Variants in DPF3 observed in about 807,000 individuals in gnomAD.
The protein encoded by DPF3 is zinc finger protein DPF3.
A neutral mutation model predicts 56.8 loss-of-function variants in DPF3; 18 were observed. The observed-to-expected ratio is 0.32, with a 90% CI of 0.22 to 0.47. The LOEUF is 0.47. DPF3 is among the 20% of genes least tolerant of loss of function. DPF3 has a pLI of 1.00. For missense variants in DPF3, 403 were observed against 488.8 expected, an observed-to-expected ratio of 0.82 and a Z score of 1.65; for synonymous variants, 188 against 180.2, an observed-to-expected ratio of 1.04 and a Z score of -0.35.
chr14:72,681,591 T>C (rs1410394554), intron 7 of DPF3, among the ~76,000 whole-genome samples: 1 of 152,218 alleles, frequency 6.6e-6, no homozygotes, highest in Non-Finnish European at 1.5e-5. Context: ...TTCCTATGCC[T>C]GCCTTCTTTT....
At chr14:72,766,861 T>C (rs1257587976) in intron 2 of DPF3, among the ~76,000 whole-genome samples, 1 of 152,124 alleles carries the variant, frequency 6.6e-6, no homozygotes, top group Non-Finnish European at 1.5e-5. Context: ...AAAATCCTGC[T>C]CTCTCTAGCC....
At chr14:72,748,001 A>G (rs1022378632) in intron 3 of DPF3, among the ~76,000 whole-genome samples, 3 of 152,228 alleles carry the variant, frequency 2.0e-5, no homozygotes, top group Non-Finnish European at 2.9e-5. Flanking sequence ...GTAAATTGGT[A>G]CCAGTAGAGT....
intron 1 of DPF3, chr14:72,879,728 GTC>G: frequency 6.9e-7 from 1 of 1,450,656 alleles, no homozygotes; most frequent in Non-Finnish European, 9.1e-7. Flanking sequence ...GACAAGAGTC[GTC>G]TCTCTGGGCA....
chr14:72,661,474 G>C, intron 8 of DPF3: 1 of 985,566 alleles, frequency 1.0e-6, no homozygotes, highest in Non-Finnish European at 1.2e-6. Flanking sequence ...TTACAAGGGA[G>C]GGAAACCCAA....
intron 1 of DPF3, among the ~76,000 whole-genome samples, chr14:72,786,076 A>G (rs985394473): frequency 1.3e-5 from 2 of 152,176 alleles, no homozygotes; most frequent in Non-Finnish European, 2.9e-5. Context: ...AGCCTGGCCA[A>G]CTTGGTGAAA....
chr14:72,661,674 T>C, intron 8 of DPF3: 1 of 985,218 alleles, frequency 1.0e-6, no homozygotes, highest in Non-Finnish European at 1.2e-6. Context: ...CTTCCTTGGC[T>C]CCCACCAGCA....
chr14:72,629,552 C>A, intron 9 of DPF3, 72 bp downstream of exon 9: 1 of 1,392,924 alleles, frequency 7.2e-7, no homozygotes, highest in Non-Finnish European at 9.8e-7. Context: ...AGAGTCCTTC[C>A]TTCCTCTTCA....
intron 8 of DPF3, chr14:72,671,576 C>T (rs531411309): frequency 1.5e-6 from 1 of 683,388 alleles, no homozygotes; most frequent in Non-Finnish European, 2.7e-6. Flanking sequence ...GTACATATGT[C>T]CACAGCTTCC....
chr14:72,884,940 C>CTATATATATATA (rs773450437), intron 1 of DPF3, among the ~76,000 whole-genome samples: 526 of 29,580 alleles, frequency 0.018, 72 homozygotes, highest in East Asian at 0.04. Flanking sequence ...ACTAAAAATA[C>CTATATATATATA]TATATATATA....
At chr14:72,874,271 G>A (rs141304337) in intron 1 of DPF3, among the ~76,000 whole-genome samples, 6,221 of 151,866 alleles carry the variant, frequency 0.041, 201 homozygotes, top group Non-Finnish European at 0.068. Flanking sequence ...GGGGTCAGGA[G>A]TTCAAGACCA....
Position 72,818,195 on chromosome 14 carries a change from C to T in DPF3, c.33-46302G>A, listed in dbSNP as rs561685604. ...GTCAGAAGTTGCAGTGAGCAGTGAT[C>T]GAGCCACTGCACTCCAGCTTGGGCA... On this transcript the variant is annotated intron_variant, in intron 1 of 10. Coordinates refer to ENST00000556509, the MANE Select transcript of DPF3 (RefSeq NM_001280542.3). Among the ~76,000 whole-genome samples the T allele has an allele frequency of 2.0e-5, 3 of 151,326 alleles. No individual in the cohort carries two copies. In the East Asian group the frequency reaches 5.8e-4, roughly 29 times the overall value.
intron 1 of DPF3, among the ~76,000 whole-genome samples, chr14:72,779,467 C>T (rs1284296157): frequency 6.6e-6 from 1 of 152,044 alleles, no homozygotes; most frequent in African/African-American, 2.4e-5. Flanking sequence ...CCCAATGGTG[C>T]CCAGGTTCCT....
At chr14:72,746,716 G>A (rs529624606) in intron 3 of DPF3, among the ~76,000 whole-genome samples, 266 of 152,336 alleles carry the variant, frequency 1.7e-3, no homozygotes, top group African/African-American at 6.1e-3. Flanking sequence ...GTCCTTCCCC[G>A]GGACCCTGCC....
At position 72,693,092 on chromosome 14, in the gene DPF3, T is replaced by C; in HGVS notation, c.726A>G (p.Arg242=). 1.2e-6 allele frequency: 2 copies of C among 1,614,044 alleles called. No homozygotes were observed. Among genetic ancestry groups the C allele is most frequent in the Non-Finnish European group, 1.7e-6 (2 of 1,179,906 alleles). The change falls in exon 7 of 11, where the codon AGA becomes AGG. Residue 242 remains arginine, a synonymous_variant. Coordinates refer to ENST00000556509, the MANE Select transcript of DPF3 (RefSeq NM_001280542.3). The part of the protein sequence containing the change: ...DQETRSPPNH[R]NENHRPQKGP... ...GGCACTCACGCCTGTGGTTCTCATT[T>C]CTGTGGTTGGGTGGGGACCGAGTCT...
chr14:72,846,616 G>C (rs569451204), intron 1 of DPF3, among the ~76,000 whole-genome samples: 1 of 149,674 alleles, frequency 6.7e-6, no homozygotes, highest in Non-Finnish European at 1.5e-5. Flanking sequence ...GATTACAGGC[G>C]TGAGCCACCA....
intron 1 of DPF3, among the ~76,000 whole-genome samples, chr14:72,882,153 A>G (rs1266021816): frequency 6.6e-6 from 1 of 152,240 alleles, no homozygotes; most frequent in African/African-American, 2.4e-5. Flanking sequence ...CAGGGAAGGC[A>G]GTGCAGAGTC....
chr14:72,725,283 A>G (rs571843301), intron 4 of DPF3, among the ~76,000 whole-genome samples: 5 of 152,252 alleles, frequency 3.3e-5, no homozygotes, highest in African/African-American at 9.6e-5. Context: ...TTCTCAAAAC[A>G]GTGGTAGGCA....
At chr14:72,713,948 T>C (rs993588825) in intron 6 of DPF3, among the ~76,000 whole-genome samples, 6 of 152,212 alleles carry the variant, frequency 3.9e-5, no homozygotes, top group African/African-American at 1.4e-4. Context: ...ATAGAAAGAT[T>C]CATAACTTGC....
rs1883936387 is a variant in DPF3 at position 72,614,226 on chromosome 14, C to A, written c.*5071G>T. Among the ~76,000 whole-genome samples, 1 of 152,218 alleles carries A rather than the reference C, an allele frequency of 6.6e-6. No homozygotes were observed. Among genetic ancestry groups the A allele is most frequent in the Non-Finnish European group, 1.5e-5 (1 of 68,042 alleles). Reference sequence around the variant, plus strand: ...AACCCCCAGACAGCTATGGAGCCCACCTTCTGACCACGGACCAGTTAGACT... The same window carrying A: ...AACCCCCAGACAGCTATGGAGCCCAACTTCTGACCACGGACCAGTTAGACT... On this transcript the variant is annotated 3_prime_UTR_variant, in exon 11 of 11. Coordinates refer to ENST00000556509, the MANE Select transcript of DPF3 (RefSeq NM_001280542.3).
Sources: allele counts gnomAD v4.1 joint callset (sites outside exome capture counted in the v4.1 genomes callset), GRCh38; gene constraint gnomAD v4.1.1; transcripts MANE v1.5; gene names NCBI Gene and HGNC (gene_info 2026-07-23, HGNC 2026-07-21).